CSF2RA: variants seen among roughly 807,000 people sequenced by gnomAD.
CSF2RA encodes the protein colony stimulating factor 2 receptor subunit alpha.
In CSF2RA, 42 loss-of-function variants were observed where a neutral mutation model predicts 51.6. The ratio of observed to expected loss-of-function variants is 0.81; its 90% CI spans 0.64 to 1.05. The LOEUF is 1.05. CSF2RA is among the 50% of genes least tolerant of loss of function. CSF2RA has a pLI of 0.00. For missense variants in CSF2RA, 530 were observed against 501.1 expected, an observed-to-expected ratio of 1.06 and a Z score of -0.55; for synonymous variants, 222 against 193.0, an observed-to-expected ratio of 1.15 and a Z score of -1.24.
chrX:1,283,543 CTTCTTTCTTTCT>C (rs370551169), intron 3 of CSF2RA, among the ~76,000 whole-genome samples: 2 of 113,482 alleles, frequency 1.8e-5, no homozygotes, highest in African/African-American at 3.3e-5. Context: ...CTTCCTCTTT[CTTCTTTCTTTCT>C]TTCTTTCTTT....
intron 1 of CSF2RA, among the ~76,000 whole-genome samples, chrX:1,273,747 A>ATT (rs749510441): frequency 5.7e-5 from 7 of 122,468 alleles, no homozygotes; most frequent in African/African-American, 2.2e-4. Flanking sequence ...CGCCCAGCTA[A>ATT]TTTTTTTTTT....
chrX:1,285,941 TCAACCC>T (rs1220051855), intron 4 of CSF2RA, 21 bp downstream of exon 4: 1 of 1,613,592 alleles, frequency 6.2e-7, no homozygotes, highest in Non-Finnish European at 8.5e-7. Context: ...TTTCCCATTC[TCAACCC>T]CTGTCCTTTA....
intron 3 of CSF2RA, among the ~76,000 whole-genome samples, chrX:1,284,991 A>G (rs1281686503): frequency 6.6e-6 from 1 of 151,746 alleles, no homozygotes; most frequent in Non-Finnish European, 1.5e-5. Context: ...TCTGCAGTAA[A>G]CATCTCCATG....
At chrX:1,303,671 C>T (rs1296750272) in intron 10 of CSF2RA, among the ~76,000 whole-genome samples, 2 of 152,136 alleles carry the variant, frequency 1.3e-5, no homozygotes, top group Non-Finnish European at 2.9e-5. Context: ...CCACCGCATC[C>T]GGCCCATGGT....
chrX:1,291,891 C>A (rs1243009735), intron 7 of CSF2RA, among the ~76,000 whole-genome samples: 1 of 143,104 alleles, frequency 7.0e-6, no homozygotes, highest in Non-Finnish European at 1.6e-5. Flanking sequence ...ACTCCACGTC[C>A]ACCTGGACCC....
At chrX:1,298,824 A>C (rs775674196) in intron 9 of CSF2RA, among the ~76,000 whole-genome samples, 1 of 151,294 alleles carries the variant, frequency 6.6e-6, no homozygotes, top group Non-Finnish European at 1.5e-5. Context: ...TCAGGAGGAG[A>C]CCCCACCTCA....
At chrX:1,275,793 C>A (rs1199487839) in intron 2 of CSF2RA, among the ~76,000 whole-genome samples, 1 of 151,892 alleles carries the variant, frequency 6.6e-6, no homozygotes, top group African/African-American at 2.4e-5. Context: ...CTCCTGACTT[C>A]GTGATCCGCC....
chrX:1,311,406 C>T (rs2084177126), downstream of CSF2RA, among the ~76,000 whole-genome samples: 1 of 151,412 alleles, frequency 6.6e-6, no homozygotes, highest in Non-Finnish European at 1.5e-5. Flanking sequence ...AATTCCTGTA[C>T]AGTCTGTGGA....
At chrX:1,276,941 A>C (rs1344127506) in intron 2 of CSF2RA, among the ~76,000 whole-genome samples, 1 of 151,716 alleles carries the variant, frequency 6.6e-6, no homozygotes, top group Non-Finnish European at 1.5e-5. Context: ...TCTACTAAAA[A>C]TACAAAAATT....
intron 7 of CSF2RA, among the ~76,000 whole-genome samples, chrX:1,293,756 C>A (rs1416471081): frequency 1.3e-5 from 2 of 151,966 alleles, no homozygotes; most frequent in East Asian, 3.9e-4. Context: ...TCCACATCCA[C>A]CTGGACCGAG....
intron 10 of CSF2RA, among the ~76,000 whole-genome samples, chrX:1,301,019 G>A (rs1218448105): frequency 6.6e-6 from 1 of 152,000 alleles, no homozygotes; most frequent in Non-Finnish European, 1.5e-5. Flanking sequence ...CCAGCATTGT[G>A]GCAGGTGCCT....
At chrX:1,314,547 C>CCACTGTGCCTGCCCAACCG (rs2084411969), downstream of CSF2RA, among the ~76,000 whole-genome samples, 1 of 47,830 alleles carries the variant, frequency 2.1e-5, no homozygotes, top group Non-Finnish European at 4.1e-5. Context: ...CTGCCCAATC[C>CCACTGTGCCTGCCCAACCG]CACTGCACCT....
the CSF2RA span, among the ~76,000 whole-genome samples, chrX:1,323,868 G>T: frequency 6.6e-5 from 10 of 151,952 alleles, no homozygotes; most frequent in Non-Finnish European, 1.2e-4. Context: ...CAAAAAATTA[G>T]CCGGGCGTGG....
At position 1,270,114 on chromosome X, in the gene CSF2RA, A is replaced by G. The variant is rs772530496; in HGVS notation, c.-91+1235A>G. Among the ~76,000 whole-genome samples, 16 of 152,282 alleles carry G rather than the reference A, an allele frequency of 1.1e-4. No individual in the cohort carries two copies. In the East Asian group the frequency reaches 3.1e-3, roughly 29 times the overall value. Reference sequence around the variant, plus strand: ...ACAAGAGCAAAACTCTGTCCCCAAAAAAAGATAACTAAAAGAAAAAAGTCG... The same window carrying G: ...ACAAGAGCAAAACTCTGTCCCCAAAGAAAGATAACTAAAAGAAAAAAGTCG... On this transcript the variant is annotated intron_variant, in intron 1 of 12. Coordinates refer to ENST00000381529, the MANE Select transcript of CSF2RA (RefSeq NM_172245.4).
At chrX:1,295,192 G>T (rs1411458560) in intron 8 of CSF2RA, among the ~76,000 whole-genome samples, 37 of 60,938 alleles carry the variant, frequency 6.1e-4, no homozygotes, top group Non-Finnish European at 1.1e-3. Flanking sequence ...CAAGGCCAGT[G>T]GGACCTTTCT....
the CSF2RA span, among the ~76,000 whole-genome samples, chrX:1,323,507 T>G: frequency 2.0e-5 from 3 of 152,138 alleles, no homozygotes; most frequent in Non-Finnish European, 4.4e-5. Flanking sequence ...ATCTGGGTGG[T>G]GGCCACAAGG....
At chrX:1,317,198 T>A in the CSF2RA span, among the ~76,000 whole-genome samples, 1 of 145,082 alleles carries the variant, frequency 6.9e-6, no homozygotes, top group Non-Finnish European at 1.5e-5. Context: ...TCTGCCTGCC[T>A]CGGCCTCCCA....
downstream of CSF2RA, among the ~76,000 whole-genome samples, chrX:1,312,428 G>C (rs28515526): frequency 0.24 from 36,101 of 151,966 alleles, 5,155 homozygotes; most frequent in Middle Eastern, 0.33. Flanking sequence ...ATTAGGACGT[G>C]GACATCTTTG....
At position 1,290,470 on chromosome X, in the gene CSF2RA, A is replaced by G. The variant is rs765491634; in HGVS notation, c.607A>G (p.Ile203Val). 3.1e-6 allele frequency: 5 copies of G among 1,613,956 alleles called. No individual in the cohort carries two copies. The South Asian group carries it at 5.5e-5, about 18-fold the overall frequency. The change falls in exon 7 of 13, where the codon ATC becomes GTC. Residue 203 changes from isoleucine to valine, a missense_variant. Ile to Val is a conservative substitution (Grantham distance 29). Coordinates refer to ENST00000381529, the MANE Select transcript of CSF2RA (RefSeq NM_172245.4). ...TAACGGAACCAGCCGAGAAATTGGC[A>G]TCCAATTCTTTGATTCACTTTTGGA... Reference protein sequence around the residue: ...LVNGTSREIGIQFFDSLLDTK... With the variant: ...LVNGTSREIGVQFFDSLLDTK...
Sources: gnomAD v4.1 joint callset for allele counts (sites outside exome capture counted in the v4.1 genomes callset) on GRCh38, gnomAD v4.1.1 for gene constraint, MANE v1.5 for transcripts, NCBI Gene and HGNC (gene_info 2026-07-23, HGNC 2026-07-21) for gene names.